The following ARSK variants were observed in gnomAD, a reference collection of about 807,000 sequenced individuals.
The protein encoded by ARSK is arylsulfatase K.
ARSK carries 37 observed loss-of-function variants against 53.2 expected under a neutral mutation model. The ratio of observed to expected loss-of-function variants is 0.70; its 90% CI spans 0.54 to 0.92. The LOEUF (loss-of-function observed/expected upper bound fraction) is 0.92. Among genes scored for constraint, ARSK ranks in the 40% least tolerant of loss-of-function variants. ARSK has a pLI of 0.00. For missense variants in ARSK, 613 were observed against 643.0 expected (o/e 0.95, Z 0.51); for synonymous variants, 208 against 223.2 (o/e 0.93, Z 0.61).
chr5:95,593,080 G>T (rs1392174604), intron 6 of ARSK, among the ~76,000 whole-genome samples: 1 of 151,928 alleles, frequency 6.6e-6, no homozygotes, highest in African/African-American at 2.4e-5. Flanking sequence ...GAATATATAT[G>T]AATTTAGAGT....
intron 2 of ARSK, among the ~76,000 whole-genome samples, chr5:95,567,065 A>G (rs1355250318): frequency 2.0e-5 from 3 of 152,154 alleles, no homozygotes; most frequent in Admixed American, 1.3e-4. Flanking sequence ...ATCCTCAAGC[A>G]AGTCACTCAG....
At chr5:95,588,514 G>A (rs925351232) in intron 5 of ARSK, among the ~76,000 whole-genome samples, 30 of 150,292 alleles carry the variant, frequency 2.0e-4, no homozygotes, top group African/African-American at 7.1e-4. Context: ...GAGCCACCGC[G>A]ACTGGCCTGT....
At chr5:95,570,222 G>A (rs1369510722) in intron 3 of ARSK, among the ~76,000 whole-genome samples, 1 of 152,164 alleles carries the variant, frequency 6.6e-6, no homozygotes, top group African/African-American at 2.4e-5. Context: ...GACCCTACAT[G>A]ATCTAGCCCC....
chr5:95,591,462 C>T lies in ARSK; in HGVS notation c.933C>T (p.Ser311=), dbSNP rs1380892405. The part of the protein sequence containing the change: ...DLLQKTIVIY[S]SDHGELAMEH... The stretch of plus-strand genomic sequence containing the variant: ...TTCAGAAAACTATTGTCATATACTC[C>T]TCAGACCATGGAGAGCTGGCCATGG... The change falls in exon 6 of 8, where the codon TCC becomes TCT. Residue 311 remains serine, a synonymous_variant. Transcript: ENST00000380009. 11 of 1,614,088 alleles carry T rather than the reference C, an allele frequency of 6.8e-6. No individual in the cohort carries two copies. Among genetic ancestry groups the T allele is most frequent in the Non-Finnish European group, 9.3e-6 (11 of 1,179,988 alleles).
chr5:95,559,466 GACAAATGT>G (rs1748589427), intron 1 of ARSK, among the ~76,000 whole-genome samples: 2 of 152,306 alleles, frequency 1.3e-5, no homozygotes, highest in Non-Finnish European at 2.9e-5. Flanking sequence ...GATACCAAGG[GACAAATGT>G]ACTAGGAAAC....
chr5:95,576,553 A>G (rs1469708319), intron 3 of ARSK, among the ~76,000 whole-genome samples: 2 of 151,890 alleles, frequency 1.3e-5, no homozygotes, highest in Admixed American at 1.3e-4. Context: ...TGAGATTTGC[A>G]CTTAGTACTC....
chr5:95,589,681 G>A (rs761495824), intron 5 of ARSK, among the ~76,000 whole-genome samples: 19 of 152,260 alleles, frequency 1.2e-4, no homozygotes, highest in Middle Eastern at 3.4e-3. Context: ...TCTATTGTTG[G>A]TGGGCATTTG....
chr5:95,578,535 G>T (rs1748967593), intron 3 of ARSK, among the ~76,000 whole-genome samples: 2 of 151,922 alleles, frequency 1.3e-5, no homozygotes, highest in Admixed American at 1.3e-4. Flanking sequence ...ACAGAGATTT[G>T]CAAGGGCATT....
At chr5:95,595,428 C>T (rs1356175504) in intron 6 of ARSK, among the ~76,000 whole-genome samples, 1 of 152,132 alleles carries the variant, frequency 6.6e-6, no homozygotes, top group East Asian at 1.9e-4. Flanking sequence ...CCTAGGTGCC[C>T]ATTAGTGGTG....
rs763625364 is a variant in ARSK, at chr5:95,600,691, T to C, written c.1097-156T>C. 1.7e-5 allele frequency: 13 copies of C among 766,030 alleles called. No individual in the cohort carries two copies. In the Admixed American group the frequency reaches 2.6e-4, roughly 15 times the overall value. The allele number at this position is 766,030 out of a possible 1,614,324, so 47.5% of individuals were successfully genotyped here. On this transcript the variant is annotated intron_variant, in intron 6 of 7. Transcript: ENST00000380009. Reference sequence around the variant, plus strand: ...GTCCACATGGCCAGTGGGGTAAGCATGTGAATTTTGGCAGCCTGTTTACAA... The same window carrying C: ...GTCCACATGGCCAGTGGGGTAAGCACGTGAATTTTGGCAGCCTGTTTACAA...
intron 3 of ARSK, among the ~76,000 whole-genome samples, chr5:95,580,401 G>A (rs1001388424): frequency 2.6e-5 from 4 of 152,190 alleles, no homozygotes; most frequent in African/African-American, 9.6e-5. Flanking sequence ...ATGATTTCCA[G>A]GTGCAATAGT....
chr5:95,572,783 A>C (rs951858687), intron 3 of ARSK, among the ~76,000 whole-genome samples: 2 of 152,226 alleles, frequency 1.3e-5, no homozygotes, highest in Non-Finnish European at 2.9e-5. Flanking sequence ...GTCTCAAAAA[A>C]AAAAGGAAAC....
At chr5:95,603,138 T>C in intron 7 of ARSK, 99 bp from the exon 8 acceptor site, 1 of 968,994 alleles carries the variant, frequency 1.0e-6, no homozygotes, top group South Asian at 2.2e-5. Context: ...GAACTGAAAA[T>C]CTAAAAAAAA....
intron 3 of ARSK, among the ~76,000 whole-genome samples, chr5:95,570,769 A>G (rs1748814598): frequency 6.6e-6 from 1 of 151,274 alleles, no homozygotes; most frequent in Non-Finnish European, 1.5e-5. Context: ...GCAGTCTAAC[A>G]TTTATATAAC....
chr5:95,566,725 G>T (rs1233803622), intron 2 of ARSK, among the ~76,000 whole-genome samples: 1 of 152,104 alleles, frequency 6.6e-6, no homozygotes, highest in Non-Finnish European at 1.5e-5. Context: ...GGAAAAAACT[G>T]CCATTTTTAT....
At position 95,566,117 on chromosome 5, in the gene ARSK, A is replaced by G. The variant is rs1046372642; in HGVS notation, c.246A>G (p.Pro82=). Residue 82 remains proline, a synonymous_variant, in exon 2 of 8, where the codon CCA becomes CCG. Transcript: ENST00000380009. ...ACACAAACTCTCCAATTTGTTGCCC[A>G]TCACGCGCAGGTATGAACATCCTTA... ...NAYTNSPICC[P]SRAAMWSGLF... The G allele has an allele frequency of 6.2e-7, 1 of 1,613,348 alleles. No individual in the cohort carries two copies. The highest frequency in any genetic ancestry group is 1.1e-5 in the South Asian group (1 of 90,816).
Position 95,603,479 on chromosome 5 carries a change from G to T in ARSK, c.1564G>T (p.Ala522Ser), listed in dbSNP as rs1430654057. ...GAAGGAACCAAGGAAGTATGAAAAT[G>T]CAATTGATCAGTGGCTTAAAACCCA... ...WQKEPRKYEN[A>S]IDQWLKTHMN... The change falls in exon 8 of 8, where the codon GCA (alanine) becomes TCA (serine). Residue 522 changes from alanine to serine, a missense_variant. Coordinates refer to ENST00000380009, the MANE Select transcript of ARSK (RefSeq NM_198150.3). The T allele has an allele frequency of 1.2e-6, 2 of 1,612,086 alleles. No individual in the cohort carries two copies. Among genetic ancestry groups the T allele is most frequent in the African/African-American group, 1.3e-5 (1 of 74,860 alleles).
At position 95,566,132 on chromosome 5, in the gene ARSK, G is replaced by A. The variant is rs1392308974; in HGVS notation, c.256+5G>A. 1.2e-6 allele frequency: 2 copies of A among 1,612,318 alleles called. No homozygotes were observed. The highest frequency in any genetic ancestry group is 2.2e-5 in the East Asian group (1 of 44,812). ...TTTGTTGCCCATCACGCGCAGGTAT[G>A]AACATCCTTAATATGAATGGGAGAA... On this transcript the variant is annotated splice_donor_5th_base_variant and intron_variant, in intron 2 of 7. Coordinates refer to ENST00000380009, the MANE Select transcript of ARSK (RefSeq NM_198150.3).
chr5:95,564,860 C>T (rs978939469), intron 1 of ARSK, among the ~76,000 whole-genome samples: 1 of 152,098 alleles, frequency 6.6e-6, no homozygotes, highest in Non-Finnish European at 1.5e-5. Context: ...CTTTCCCCTC[C>T]TTCTCTCTCC....
Sources: gnomAD v4.1 joint callset for allele counts (sites outside exome capture counted in the v4.1 genomes callset) on GRCh38, gnomAD v4.1.1 for gene constraint, MANE v1.5 for transcripts, NCBI Gene and HGNC (gene_info 2026-07-23, HGNC 2026-07-21) for gene names.